Variants in CAMK2D observed in about 807,000 individuals in gnomAD.
The protein encoded by CAMK2D is calcium/calmodulin dependent protein kinase II delta.
A neutral mutation model predicts 84.0 loss-of-function variants in CAMK2D; 37 were observed. That is an observed-to-expected ratio of 0.44 (90% CI 0.34 to 0.58). The LOEUF (loss-of-function observed/expected upper bound fraction) is 0.58. Ranked by LOEUF, CAMK2D falls within the 20% of genes least tolerant of loss-of-function variation. The pLI is 0.02. For missense variants in CAMK2D, 448 were observed against 652.5 expected (o/e 0.69, Z 3.41); for synonymous variants, 202 against 212.5 (o/e 0.95, Z 0.43).
chr4:113,457,069 T>C, intron 19 of CAMK2D: 1 of 663,936 alleles, frequency 1.5e-6, no homozygotes, highest in Non-Finnish European at 2.2e-6. Flanking sequence ...CCTCTAGATT[T>C]AACCCTGTGA....
chr4:113,532,978 C>T (rs918794808), intron 7 of CAMK2D, among the ~76,000 whole-genome samples: 2 of 151,870 alleles, frequency 1.3e-5, no homozygotes, highest in African/African-American at 4.8e-5. Context: ...ATTTCAATGA[C>T]TCTTTTATAT....
At chr4:113,536,519 A>T (rs1256385426) in intron 7 of CAMK2D, among the ~76,000 whole-genome samples, 1 of 152,206 alleles carries the variant, frequency 6.6e-6, no homozygotes, top group East Asian at 1.9e-4. Context: ...ATCAGAAATG[A>T]AGGGCATTAA....
chr4:113,562,994 A>AGGC (rs1409385510), intron 4 of CAMK2D, among the ~76,000 whole-genome samples: 1 of 152,174 alleles, frequency 6.6e-6, no homozygotes, highest in African/African-American at 2.4e-5. Context: ...ACAGTGGCTC[A>AGGC]CACCTGTAAT....
intron 4 of CAMK2D, among the ~76,000 whole-genome samples, chr4:113,573,187 C>T (rs1034611971): frequency 2.0e-5 from 3 of 152,096 alleles, no homozygotes; most frequent in African/African-American, 4.8e-5. Flanking sequence ...TACCCCCAAA[C>T]CTAAAATAAA....
chr4:113,593,454 T>C (rs947647719), intron 4 of CAMK2D, among the ~76,000 whole-genome samples: 2 of 152,128 alleles, frequency 1.3e-5, no homozygotes, highest in Non-Finnish European at 2.9e-5. Flanking sequence ...AACTGATGAA[T>C]TGCTGAAGGA....
chr4:113,574,025 A>G (rs2098767820), intron 4 of CAMK2D, among the ~76,000 whole-genome samples: 1 of 152,204 alleles, frequency 6.6e-6, no homozygotes, highest in African/African-American at 2.4e-5. Context: ...ATTTCAGGGT[A>G]CGCAAAATAT....
intron 6 of CAMK2D, among the ~76,000 whole-genome samples, chr4:113,546,611 G>A (rs771234704): frequency 1.2e-4 from 18 of 152,138 alleles, no homozygotes; most frequent in Non-Finnish European, 1.2e-4. Flanking sequence ...AAGTCTGCAC[G>A]TGAGAAATAA....
chr4:113,481,046 T>C (rs971101783), intron 16 of CAMK2D, among the ~76,000 whole-genome samples: 1 of 152,226 alleles, frequency 6.6e-6, no homozygotes, highest in Non-Finnish European at 1.5e-5. Context: ...GTCTGTGATA[T>C]TTTGTTATAG....
intron 2 of CAMK2D, among the ~76,000 whole-genome samples, chr4:113,682,703 T>C (rs920204135): frequency 2.0e-5 from 3 of 152,206 alleles, no homozygotes; most frequent in Non-Finnish European, 2.9e-5. Context: ...TTGATATTTA[T>C]CTTATTTAAA....
chr4:113,684,223 G>T (rs1357803730), intron 2 of CAMK2D, among the ~76,000 whole-genome samples: 1 of 152,182 alleles, frequency 6.6e-6, no homozygotes, highest in Non-Finnish European at 1.5e-5. Context: ...AATTGTATCT[G>T]TAAAAATTAA....
At position 113,679,485 on chromosome 4, in the gene CAMK2D, G is replaced by A. The variant is rs561750877; in HGVS notation, c.161-17713C>T. The A allele has an allele frequency of 8.4e-6, 8 of 956,878 alleles. No homozygotes were observed. In the African/African-American group the frequency reaches 1.4e-4, roughly 17 times the overall value. 59.3% of individuals were successfully genotyped at this position (956,878 alleles called of 1,614,324 possible). Reference sequence around the variant, plus strand: ...TCCAGCCACATATTCTCCAGTCTCTGCTTTTTCTGTCCTGATTTTAAAAAT... The same window carrying A: ...TCCAGCCACATATTCTCCAGTCTCTACTTTTTCTGTCCTGATTTTAAAAAT... On this transcript the variant is annotated intron_variant, in intron 2 of 20. Transcript: ENST00000511664.
At position 113,513,903 on chromosome 4, in the gene CAMK2D, G is replaced by A; in HGVS notation, c.830C>T (p.Thr277Ile). Residue 277 changes from threonine (T) to isoleucine (I), a missense_variant, in exon 11 of 21, where the codon ACT becomes ATT. Thr to Ile is a moderately conservative substitution (Grantham distance 89). Coordinates refer to ENST00000511664, the MANE Select transcript of CAMK2D (RefSeq NM_001321571.2). ...LKHPWICQRS[T>I]VASMMHRQET... ...CTGTCTGTGCATCATGGAAGCAACA[G>A]TAGAACGTTGCTAGAAGAAGAGGAG... 1.3e-6 allele frequency: 2 copies of A among 1,548,072 alleles called. No individual in the cohort carries two copies. The highest frequency in any genetic ancestry group is 1.8e-6 in the Non-Finnish European group (2 of 1,126,228).
chr4:113,621,798 T>C (rs956602479), intron 3 of CAMK2D, among the ~76,000 whole-genome samples: 3 of 152,234 alleles, frequency 2.0e-5, no homozygotes, highest in African/African-American at 7.2e-5. Context: ...TTCTGGATTA[T>C]TGGCTTTGCA....
intron 16 of CAMK2D, among the ~76,000 whole-genome samples, chr4:113,493,304 T>C (rs999629469): frequency 6.6e-6 from 1 of 152,156 alleles, no homozygotes; most frequent in Non-Finnish European, 1.5e-5. Flanking sequence ...CCATGTTTAG[T>C]GCTTCCTTCA....
rs1030874509 is a variant in CAMK2D at position 113,761,588 on chromosome 4, G to A, written c.-520C>T. On this transcript the variant is annotated 5_prime_UTR_variant, in exon 1 of 21. Coordinates refer to ENST00000511664, the MANE Select transcript of CAMK2D (RefSeq NM_001321571.2). ...CAGCGGCCGCTGTCAGCAGGCTCAG[G>A]CGCGGGGCGCGCCGGGGCTCCGACG... The A allele has an allele frequency of 5.1e-6, 5 of 984,988 alleles. No individual in the cohort carries two copies. In the African/African-American group the frequency reaches 7.0e-5, roughly 14 times the overall value. The allele number at this position is 984,988 out of a possible 1,614,324, so 61.0% of individuals were successfully genotyped here. A position where few individuals can be genotyped will look rare whatever the true frequency, so the allele number is the denominator to read the frequency against.
chr4:113,713,138 T>C (rs915816219), intron 2 of CAMK2D, among the ~76,000 whole-genome samples: 12 of 151,978 alleles, frequency 7.9e-5, no homozygotes, highest in Non-Finnish European at 1.8e-4. Flanking sequence ...ACTGAGGAGA[T>C]GGTTAAATTG....
rs1224368917 is a variant in CAMK2D, at chr4:113,727,851, G to A, written c.160+31469C>T. 2.0e-5 allele frequency among the ~76,000 whole-genome samples: 3 copies of A among 151,934 alleles called. No homozygotes were observed. The East Asian group carries it at 5.8e-4, about 29-fold the overall frequency. On this transcript the variant is annotated intron_variant, in intron 2 of 20. Coordinates refer to ENST00000511664, the MANE Select transcript of CAMK2D (RefSeq NM_001321571.2). Reference sequence around the variant, plus strand: ...CCAAATAATGCACATTTTTTAAAGGGCAAAAGTCTTAAATACTTCAAAAGA... The same window carrying A: ...CCAAATAATGCACATTTTTTAAAGGACAAAAGTCTTAAATACTTCAAAAGA...
At chr4:113,754,404 A>G (rs1014232299) in intron 2 of CAMK2D, 1 of 970,060 alleles carries the variant, frequency 1.0e-6, no homozygotes, top group Non-Finnish European at 1.2e-6. Flanking sequence ...AGCCCAGTAC[A>G]TGTAAGATTT....
chr4:113,649,974 C>T (rs1458686317), intron 3 of CAMK2D, among the ~76,000 whole-genome samples: 2 of 151,840 alleles, frequency 1.3e-5, no homozygotes, highest in African/African-American at 4.8e-5. Context: ...CCCAGCTACT[C>T]GGGAGGCTGA....
Sources: gnomAD v4.1 joint callset for allele counts (sites outside exome capture counted in the v4.1 genomes callset) on GRCh38, gnomAD v4.1.1 for gene constraint, MANE v1.5 for transcripts, NCBI Gene and HGNC (gene_info 2026-07-23, HGNC 2026-07-21) for gene names.